Variants in RTEL1 observed in about 807,000 individuals in gnomAD.
RTEL1 encodes regulator of telomere length.
Under a neutral mutation model 162.2 loss-of-function variants are expected in RTEL1, and 86 were observed. The ratio of observed to expected loss-of-function variants is 0.53; its 90% CI spans 0.45 to 0.63. The LOEUF (loss-of-function observed/expected upper bound fraction) is 0.63, where lower values mean the gene tolerates loss of function less well. Among genes scored for constraint, RTEL1 ranks in the 30% least tolerant of loss-of-function variants. RTEL1 has a pLI of 0.00. For synonymous variants in RTEL1, 958 were observed against 717.9 expected (o/e 1.33, Z -5.35); for missense variants, 1,941 against 1,750.2 (o/e 1.11, Z -1.95).
At position 63,672,631 on chromosome 20, in the gene RTEL1, C is replaced by T. The variant is rs551599980; in HGVS notation, c.765+10C>T. On this transcript the variant is annotated intron_variant, in intron 9 of 34. Coordinates refer to ENST00000360203, the MANE Select transcript of RTEL1 (RefSeq NM_001283009.2). ...CGAAGCTCACAACGTGGTGAGTCTC[C>T]GCTGGCCTCCTAAACACCTCCTATT... 3.2e-5 allele frequency: 50 copies of T among 1,573,440 alleles called. No individual in the cohort carries two copies. Among genetic ancestry groups the T allele is most frequent in the African/African-American group, 2.1e-4 (16 of 74,422 alleles).
At chr20:63,681,978 GGCGGACCT>G in intron 14 of RTEL1, 1 of 985,442 alleles carries the variant, frequency 1.0e-6, no homozygotes, top group Non-Finnish European at 1.2e-6. Flanking sequence ...GCACCTATCA[GGCGGACCT>G]GCTTCCATGT....
intron 1 of RTEL1, 109 bp downstream of exon 1, chr20:63,658,575 C>CGCGGGTCG: frequency 6.6e-6 from 1 of 152,378 alleles, no homozygotes; most frequent in South Asian, 2.1e-4. Flanking sequence ...CCCTCGGGGC[C>CGCGGGTCG]GCGGGTCGGC....
chr20:63,683,786 G>A (rs530915765), intron 14 of RTEL1, among the ~76,000 whole-genome samples: 27 of 152,222 alleles, frequency 1.8e-4, no homozygotes, highest in African/African-American at 6.3e-4. Context: ...CGGTCGTCAC[G>A]CGCTCCTCTC....
In RTEL1 at chr20:63,668,726, G is replaced by C. The variant is rs1344571560; in HGVS notation, c.699+1173G>C. Among the ~76,000 whole-genome samples, 1 of 152,148 alleles carries C rather than the reference G, an allele frequency of 6.6e-6. No homozygotes were observed. The highest frequency in any genetic ancestry group is 1.5e-5 in the Non-Finnish European group (1 of 68,024). ...CCCTGGCTGCCCCTGGGAACCATCT[G>C]GAGAGCTTCTAACCCAACCAGGCCC... On this transcript the variant is annotated intron_variant, in intron 8 of 34. Transcript: ENST00000360203. The surrounding 1 kb of genome is among the most constrained non-coding windows in gnomAD (Gnocchi z 4.3).
rs752589330 is a variant in RTEL1 at position 63,691,731 on chromosome 20, G to T, written c.2557-11G>T. The T allele has an allele frequency of 6.2e-7, 1 of 1,611,018 alleles. No individual in the cohort carries two copies. The highest frequency in any genetic ancestry group is 1.3e-5 in the African/African-American group (1 of 74,966). ...GGGTCTGTGTGTGGTTGTGAGCTGT[G>T]TCCTCCTCAGGCCCACAGCTGCTCC... On this transcript the variant is annotated splice_polypyrimidine_tract_variant and intron_variant, in intron 27 of 34. Coordinates refer to ENST00000360203, the MANE Select transcript of RTEL1 (RefSeq NM_001283009.2).
At chr20:63,662,066 G>A (rs1005109384) in intron 4 of RTEL1, 123 bp downstream of exon 4, 28 of 794,808 alleles carry the variant, frequency 3.5e-5, no homozygotes, top group Middle Eastern at 2.8e-4. Flanking sequence ...ACGCTCCCCC[G>A]AAGTGTGCAG....
At chr20:63,687,866 G>T in intron 17 of RTEL1, 71 bp from the exon 18 acceptor site, 2 of 1,578,248 alleles carry the variant, frequency 1.3e-6, no homozygotes, top group Non-Finnish European at 1.7e-6. Context: ...GGTGCTGGGG[G>T]TCTCGGGCCT....
chr20:63,689,162 C>G (rs778783162), intron 22 of RTEL1, 30 bp downstream of exon 22: 12 of 1,594,508 alleles, frequency 7.5e-6, no homozygotes, highest in Non-Finnish European at 1.0e-5. Context: ...CTGCCCTGAC[C>G]TGGTTGCCTG....
chr20:63,694,840 C>T lies in RTEL1; in HGVS notation c.3209C>T (p.Ala1070Val), dbSNP rs758991831. ...VSAYLADARR[A>V]LGSAGCSQLL... ...GCCTACCTGGCTGATGCCCGCAGGG[C>T]CCTGGGGTCCGCGGGCTGTAGCCAA... Residue 1070 changes from alanine to valine, a missense_variant, in exon 32 of 35, where the codon GCC (alanine) becomes GTC (valine). By Grantham distance (64) the Ala-to-Val change is moderately conservative. Coordinates refer to ENST00000360203, the MANE Select transcript of RTEL1 (RefSeq NM_001283009.2). The T allele has an allele frequency of 4.3e-6, 7 of 1,612,496 alleles. No homozygotes were observed. The East Asian group carries it at 1.1e-4, about 26-fold the overall frequency.
At chr20:63,678,434 G>A (rs192117801) in intron 12 of RTEL1, 88 bp downstream of exon 12, 93 of 1,233,976 alleles carry the variant, frequency 7.5e-5, no homozygotes, top group African/African-American at 5.7e-4. Flanking sequence ...GTCACATCAC[G>A]AGTGAGGCCT....
chr20:63,691,772 T>C lies in RTEL1; in HGVS notation c.2587T>C (p.Ser863Pro). Residue 863 changes from serine (S) to proline (P), a missense_variant, in exon 28 of 35, where the codon TCT (serine) becomes CCT (proline). Coordinates refer to ENST00000360203, the MANE Select transcript of RTEL1 (RefSeq NM_001283009.2). ...AHSCSTLSLL[S>P]EKRPAEEPRG... The stretch of plus-strand genomic sequence containing the variant: ...CAGCTGCTCCACCCTGTCCCTCCTG[T>C]CTGAGAAGAGGCCGGCAGAAGAACC... 1 of 1,612,420 alleles carries C rather than the reference T, an allele frequency of 6.2e-7. No individual in the cohort carries two copies.
At chr20:63,662,175 C>A (rs73317948) in intron 4 of RTEL1, among the ~76,000 whole-genome samples, 1 of 152,174 alleles carries the variant, frequency 6.6e-6, no homozygotes, top group East Asian at 1.9e-4. Context: ...CTTGGGCGGG[C>A]GTCCTGAGCT....
At position 63,690,359 on chromosome 20, in the gene RTEL1, C is replaced by G. The variant is rs768219241; in HGVS notation, c.2331C>G (p.Ala777=). 1 of 1,611,804 alleles carries G rather than the reference C, an allele frequency of 6.2e-7. No individual in the cohort carries two copies. The highest frequency in any genetic ancestry group is 1.1e-5 in the South Asian group (1 of 91,004). ...GTGGAGAAGATGCTGTCAGCGAGGC[C>G]AAGTCGCCTGGCCCCTTCTTCTCCA... The part of the protein sequence containing the change: ...SVRGEDAVSE[A]KSPGPFFSTR... The change falls in exon 26 of 35, where the codon GCC becomes GCG. Residue 777 remains alanine, a synonymous_variant. Transcript: ENST00000360203.
chr20:63,681,724 G>C (rs2090481139), intron 14 of RTEL1: 2 of 985,306 alleles, frequency 2.0e-6, no homozygotes, highest in Non-Finnish European at 2.4e-6. Context: ...GGCACAGGGT[G>C]GTGGGGCCCA....
intron 6 of RTEL1, 40 bp from the exon 7 acceptor site, chr20:63,665,964 A>G (rs767339375): frequency 3.1e-6 from 5 of 1,594,070 alleles, no homozygotes; most frequent in Non-Finnish European, 4.3e-6. Flanking sequence ...GACTTAGTGG[A>G]CCCTGAGGGT....
chr20:63,666,022 A>G lies in RTEL1; in HGVS notation c.557A>G (p.Glu186Gly). 1 of 1,614,110 alleles carries G rather than the reference A, an allele frequency of 6.2e-7. No homozygotes were observed. Among genetic ancestry groups the G allele is most frequent in the Non-Finnish European group, 8.5e-7 (1 of 1,179,994 alleles). ...NNVEEKSLEQ[E>G]LASPILDIED... ...CCTGCAGAAAAAAGCCTGGAGCAGG[A>G]GCTGGCCAGCCCCATCCTGGACATT... Residue 186 changes from glutamate (E) to glycine (G), a missense_variant, in exon 7 of 35, where the codon GAG becomes GGG. Transcript: ENST00000360203.
At chr20:63,691,003 C>G (rs1269407183) in intron 27 of RTEL1, 56 bp downstream of exon 27, 19 of 1,482,998 alleles carry the variant, frequency 1.3e-5, no homozygotes, top group Non-Finnish European at 1.7e-5. Context: ...GAGGCCAACC[C>G]GACCCCGCCC....
In RTEL1 at chr20:63,689,017, G is replaced by C. The variant is rs771523695; in HGVS notation, c.1801-38G>C. ...CTCATGGGGGAGGAAGGGGCTGGGG[G>C]GGGGCTCCAGGCTCAGCCTCACCAA... On this transcript the variant is annotated intron_variant, in intron 21 of 34. Coordinates refer to ENST00000360203, the MANE Select transcript of RTEL1 (RefSeq NM_001283009.2). 1.0e-5 allele frequency: 16 copies of C among 1,569,574 alleles called. No individual in the cohort carries two copies. In the East Asian group the frequency reaches 1.6e-4, roughly 15 times the overall value.
At chr20:63,666,331 CTG>C (rs1444106132) in intron 7 of RTEL1, among the ~76,000 whole-genome samples, 1 of 152,270 alleles carries the variant, frequency 6.6e-6, no homozygotes, top group Non-Finnish European at 1.5e-5. Flanking sequence ...AGGCCTGTGT[CTG>C]TGCGGAAGCA....
Sources: gnomAD v4.1 joint callset for allele counts (sites outside exome capture counted in the v4.1 genomes callset) on GRCh38, gnomAD v4.1.1 for gene constraint, Gnocchi (gnomAD v3.1) non-coding constraint, MANE v1.5 for transcripts, NCBI Gene and HGNC (gene_info 2026-07-23, HGNC 2026-07-21) for gene names.